PPP2R3B: variants seen among roughly 807,000 people sequenced by gnomAD.
PPP2R3B encodes serine/threonine-protein phosphatase 2A regulatory subunit B'' subunit beta.
Under a neutral mutation model 72.9 loss-of-function variants are expected in PPP2R3B, and 68 were observed. The observed-to-expected ratio is 0.93, with a 90% CI of 0.77 to 1.14. PPP2R3B has a LOEUF of 1.14. Ranked by LOEUF, PPP2R3B falls within the 50% of genes most tolerant of loss-of-function variation. PPP2R3B has a pLI of 0.00. For missense variants in PPP2R3B, 1,018 were observed against 842.0 expected, an observed-to-expected ratio of 1.21 and a Z score of -2.59; for synonymous variants, 466 against 375.8, an observed-to-expected ratio of 1.24 and a Z score of -2.78.
At chrX:372,478 C>G (rs1300485387) in intron 1 of PPP2R3B, among the ~76,000 whole-genome samples, 1 of 152,190 alleles carries the variant, frequency 6.6e-6, no homozygotes, top group Admixed American at 6.5e-5. Flanking sequence ...CACGCACACC[C>G]TGTCTGGATG....
intron 3 of PPP2R3B, 56 bp downstream of exon 3, chrX:347,534 G>A: frequency 6.6e-7 from 1 of 1,514,990 alleles, no homozygotes; most frequent in Non-Finnish European, 9.0e-7. Flanking sequence ...GCACCACGGG[G>A]ACCCGGGGAC....
At chrX:375,613 C>G (rs1346604860) in intron 1 of PPP2R3B, among the ~76,000 whole-genome samples, 2 of 152,260 alleles carry the variant, frequency 1.3e-5, no homozygotes, top group East Asian at 3.8e-4. Flanking sequence ...GGGGCGCAAA[C>G]TCACAGGGCA....
At chrX:378,286 C>G (rs1259878657) in intron 1 of PPP2R3B, among the ~76,000 whole-genome samples, 1 of 152,154 alleles carries the variant, frequency 6.6e-6, no homozygotes, top group African/African-American at 2.4e-5. Context: ...CCTAAAATGC[C>G]CAGAAGACCT....
At chrX:373,766 C>T (rs1265697333) in intron 1 of PPP2R3B, 1 of 149,550 alleles carries the variant, frequency 6.7e-6, no homozygotes, top group East Asian at 1.9e-4. Context: ...GCTCAGCGCG[C>T]TCCATGCGTC....
At chrX:364,060 C>G (rs1361226932) in intron 1 of PPP2R3B, among the ~76,000 whole-genome samples, 2 of 152,260 alleles carry the variant, frequency 1.3e-5, no homozygotes, top group African/African-American at 2.4e-5. Flanking sequence ...CCCGTGGAGC[C>G]TGAACAGGCT....
intron 1 of PPP2R3B, among the ~76,000 whole-genome samples, chrX:376,454 T>C (rs1388628382): frequency 6.6e-6 from 1 of 152,040 alleles, no homozygotes; most frequent in East Asian, 1.9e-4. Flanking sequence ...GGCCATCCAC[T>C]ACCGTGTACA....
chrX:384,648 C>T (rs1169738527), intron 1 of PPP2R3B, among the ~76,000 whole-genome samples: 3 of 152,028 alleles, frequency 2.0e-5, no homozygotes, highest in Admixed American at 1.3e-4. Context: ...GATGAACAGA[C>T]CCCTCTGTTC....
chrX:338,928 G>A, intron 10 of PPP2R3B, 32 bp from the exon 11 acceptor site: 2 of 1,585,476 alleles, frequency 1.3e-6, no homozygotes, highest in South Asian at 1.1e-5. Context: ...CAAGGCGCGT[G>A]AGCCCGGTCT....
chrX:361,879 C>T (rs1024424186), intron 1 of PPP2R3B, among the ~76,000 whole-genome samples: 4 of 152,186 alleles, frequency 2.6e-5, no homozygotes, highest in Non-Finnish European at 4.4e-5. Flanking sequence ...AGGGCAGCTA[C>T]GTGCCCCAGG....
chrX:341,341 A>G lies in PPP2R3B; in HGVS notation c.1141T>C (p.Leu381=). The G allele has an allele frequency of 6.2e-7, 1 of 1,612,594 alleles. No individual in the cohort carries two copies. The highest frequency in any genetic ancestry group is 1.3e-5 in the African/African-American group (1 of 75,056). Residue 381 remains leucine (L), a synonymous_variant, in exon 9 of 13, where the codon TTG becomes CTG. Coordinates refer to ENST00000390665, the MANE Select transcript of PPP2R3B (RefSeq NM_013239.5). ...GTTTTTTTGTCTTCCTCAGAGATCA[A>G]AAACCAGACAAAGTCGGCATAGCTG... The part of the protein sequence containing the change: ...KISYADFVWF[L]ISEEDKKTPT...
rs141206911 is a variant in PPP2R3B, at chrX:370,250, G to T, written c.325-8660C>A. On this transcript the variant is annotated intron_variant, in intron 1 of 12. Coordinates refer to ENST00000390665, the MANE Select transcript of PPP2R3B (RefSeq NM_013239.5). The stretch of plus-strand genomic sequence containing the variant: ...GGTGTGGAGGGGTCAACACAGAAAC[G>T]CAGCAGGTGCAGGTGTCTGAGTAGG... Among the ~76,000 whole-genome samples, 777 of 152,288 alleles carry T rather than the reference G, an allele frequency of 5.1e-3. 10 individuals are homozygous for T. Among genetic ancestry groups the T allele is most frequent in the African/African-American group, 0.018 (743 of 41,554 alleles).
At chrX:355,713 T>TA (rs67687433) in intron 2 of PPP2R3B, among the ~76,000 whole-genome samples, 7 of 151,916 alleles carry the variant, frequency 4.6e-5, no homozygotes, top group African/African-American at 9.7e-5. Context: ...TTTCCCATAA[T>TA]AAAAAAAAGT....
intron 1 of PPP2R3B, among the ~76,000 whole-genome samples, chrX:383,400 G>A (rs1311179098): frequency 1.3e-5 from 2 of 152,096 alleles, no homozygotes; most frequent in African/African-American, 4.8e-5. Flanking sequence ...AACAAGTTCC[G>A]ACGGAACATT....
chrX:373,656 A>T, intron 1 of PPP2R3B: 1 of 266,606 alleles, frequency 3.8e-6, no homozygotes, highest in Non-Finnish European at 7.9e-6. Context: ...GCGGAGTCGC[A>T]TGCCGCCGGC....
intron 7 of PPP2R3B, among the ~76,000 whole-genome samples, chrX:344,508 C>T (rs2071153877): frequency 6.6e-6 from 1 of 152,272 alleles, no homozygotes; most frequent in Admixed American, 6.5e-5. Flanking sequence ...CGGCCGCACA[C>T]GGCATCCTGC....
At position 347,665 on chromosome X, in the gene PPP2R3B, C is replaced by T. The variant is rs755588155; in HGVS notation, c.539G>A (p.Gly180Glu). ...CCCGCCGGCGCCATAGAAGAGCGGC[C>T]CCTTCCAGTAGAGGGGGCAGCCGCA... ...KACGCPLYWK[G>E]PLFYGAGGER... The change falls in exon 3 of 13, where the codon GGG becomes GAG. Residue 180 changes from glycine to glutamate, a missense_variant. Physicochemically the swap from Gly to Glu is moderately conservative, Grantham distance 98 (BLOSUM62 -2). Coordinates refer to ENST00000390665, the MANE Select transcript of PPP2R3B (RefSeq NM_013239.5). The T allele has an allele frequency of 2.2e-5, 34 of 1,558,008 alleles. No individual in the cohort carries two copies. In the South Asian group the frequency reaches 3.6e-4, roughly 17 times the overall value.
At chrX:346,619 G>A (rs1159294477) in intron 5 of PPP2R3B, 82 bp downstream of exon 5, 3 of 1,363,570 alleles carry the variant, frequency 2.2e-6, no homozygotes, top group South Asian at 2.5e-5. Flanking sequence ...CGCCCGCCCC[G>A]TCCGCAGAAG....
chrX:371,452 GAGCTTGGGTTCACCATCGGGGCAGGC>G (rs1205112221), intron 1 of PPP2R3B, among the ~76,000 whole-genome samples: 1 of 152,108 alleles, frequency 6.6e-6, no homozygotes, highest in African/African-American at 2.4e-5. Flanking sequence ...GGAGGAGGAG[GAGCTTGGGTTCACCATCGGGGCAGGC>G]AGCACCCGCC....
chrX:355,364 G>A (rs1357049330), intron 2 of PPP2R3B, among the ~76,000 whole-genome samples: 4 of 152,212 alleles, frequency 2.6e-5, no homozygotes, highest in African/African-American at 7.2e-5. Context: ...AAATAAGGGA[G>A]AGCTGGACCG....
Sources: gnomAD v4.1 joint callset for allele counts (sites outside exome capture counted in the v4.1 genomes callset) on GRCh38, gnomAD v4.1.1 for gene constraint, MANE v1.5 for transcripts, NCBI Gene and HGNC (gene_info 2026-07-23, HGNC 2026-07-21) for gene names.